Variants in CHRM3 observed in about 807,000 individuals in gnomAD.
The protein encoded by CHRM3 is muscarinic acetylcholine receptor M3.
In CHRM3, 11 loss-of-function variants were observed where a neutral mutation model predicts 41.8. The observed-to-expected ratio is 0.26, with a 90% CI of 0.17 to 0.44. CHRM3 has a LOEUF of 0.44. CHRM3 is among the 20% of genes least tolerant of loss of function. The probability of loss-of-function intolerance (pLI) is 1.00; values close to 1 mark genes in which losing one functional copy is unlikely to be tolerated. For synonymous variants in CHRM3, 297 were observed against 301.4 expected (o/e 0.99, Z 0.15); for missense variants, 571 against 745.4 (o/e 0.77, Z 2.72).
intron 3 of CHRM3, among the ~76,000 whole-genome samples, chr1:239,571,687 C>G (rs1294226555): frequency 6.6e-6 from 1 of 152,146 alleles, no homozygotes; most frequent in Non-Finnish European, 1.5e-5. Flanking sequence ...TCTCCGTCTC[C>G]TGCACGTCAT....
At position 239,911,200 on chromosome 1, in the gene CHRM3, C is replaced by G. The variant is rs1422559720; in HGVS notation, c.*1976C>G. The G allele has an allele frequency of 6.0e-6, 1 of 166,794 alleles. No homozygotes were observed. Among genetic ancestry groups the G allele is most frequent in the African/African-American group, 2.4e-5 (1 of 41,328 alleles). The allele number at this position is 166,794 out of a possible 1,614,324, so 10.3% of individuals were successfully genotyped here. ...GTTTAAAACCACTCTTTAGTTAAAT[C>G]TGATGGGAACTGAACAAAGCTCCAC... On this transcript the variant is annotated 3_prime_UTR_variant, in exon 7 of 7. Transcript: ENST00000676153.
intron 6 of CHRM3, among the ~76,000 whole-genome samples, chr1:239,868,836 C>T (rs1175660089): frequency 6.6e-6 from 1 of 152,224 alleles, no homozygotes; most frequent in East Asian, 1.9e-4. Flanking sequence ...GCACTGCTTT[C>T]ATTAACTGAC....
intron 2 of CHRM3, among the ~76,000 whole-genome samples, chr1:239,518,662 C>T (rs567523273): frequency 1.3e-5 from 2 of 152,254 alleles, no homozygotes; most frequent in African/African-American, 4.8e-5. Context: ...ATAATTAAGA[C>T]AATTTCAGGT....
intron 6 of CHRM3, among the ~76,000 whole-genome samples, chr1:239,838,693 C>A (rs1256965222): frequency 1.3e-5 from 2 of 152,176 alleles, no homozygotes; most frequent in Non-Finnish European, 2.9e-5. Flanking sequence ...TCCCTTCAGA[C>A]CTGGGGAATT....
At chr1:239,875,928 C>A (rs1248405903) in intron 6 of CHRM3, among the ~76,000 whole-genome samples, 4 of 152,208 alleles carry the variant, frequency 2.6e-5, no homozygotes, top group Admixed American at 2.0e-4. Context: ...CAGCTTCCCC[C>A]CTTAAAGGTA....
chr1:239,911,864 C>A lies in CHRM3; in HGVS notation c.*2640C>A, dbSNP rs556732244. ...AGAAAGAAAACAAGCAAAATAGGTT[C>A]TTTTGAATATGAATAATTTAAAAGC... On this transcript the variant is annotated 3_prime_UTR_variant, in exon 7 of 7. Coordinates refer to ENST00000676153, the MANE Select transcript of CHRM3 (RefSeq NM_001375978.1). The A allele has an allele frequency of 6.0e-6, 1 of 166,974 alleles. No individual in the cohort carries two copies. Among genetic ancestry groups the A allele is most frequent in the Non-Finnish European group, 1.5e-5 (1 of 68,114 alleles). 10.3% of individuals were successfully genotyped at this position (166,974 alleles called of 1,614,324 possible). A position where few individuals can be genotyped will look rare whatever the true frequency, so the allele number is the denominator to read the frequency against.
At chr1:239,404,188 C>A (rs954367994) in intron 1 of CHRM3, among the ~76,000 whole-genome samples, 2 of 150,350 alleles carry the variant, frequency 1.3e-5, no homozygotes, top group Non-Finnish European at 3.0e-5. Flanking sequence ...ACTCGGGAGG[C>A]TGAGGCAGGA....
intron 5 of CHRM3, among the ~76,000 whole-genome samples, chr1:239,754,428 G>A (rs1453223289): frequency 6.6e-6 from 1 of 152,142 alleles, no homozygotes; most frequent in Admixed American, 6.5e-5. Flanking sequence ...TTCACTGAAG[G>A]CAGTACCATC....
chr1:239,643,175 A>AC lies in CHRM3; in HGVS notation c.-250+10890dup, dbSNP rs529860536. 8.0e-4 allele frequency among the ~76,000 whole-genome samples: 122 copies of AC among 152,170 alleles called. 1 individual carries two copies. The highest frequency in any genetic ancestry group is 2.9e-3 in the African/African-American group (120 of 41,528). On this transcript the variant is annotated intron_variant, in intron 4 of 6. Coordinates refer to ENST00000676153, the MANE Select transcript of CHRM3 (RefSeq NM_001375978.1). ...CAGTGTGAGGTGTCAGTCTGCCCCT[A>AC]CTGGGGGGTGCCTCCCAGTTAGGCT...
rs536608262 is a variant in CHRM3 at position 239,387,991 on chromosome 1, G to T, written c.-521+764G>T. ...TGTTTTTAAACGGCGGGGGCGGGCG[G>T]ACAGTTGACTCCAGCAGCAGAATTC... On this transcript the variant is annotated intron_variant, in intron 1 of 6. Transcript: ENST00000676153. This position sits in a 1 kb window ranked among gnomAD's most constrained non-coding sequence, Gnocchi z 5.1. Among the ~76,000 whole-genome samples the T allele has an allele frequency of 6.6e-6, 1 of 152,236 alleles. No homozygotes were observed. The highest frequency in any genetic ancestry group is 1.9e-4 in the East Asian group (1 of 5,166).
At chr1:239,555,955 G>A (rs532460495) in intron 3 of CHRM3, among the ~76,000 whole-genome samples, 7 of 152,098 alleles carry the variant, frequency 4.6e-5, no homozygotes, top group Non-Finnish European at 1.0e-4. Flanking sequence ...GATGGTTTTC[G>A]AACTAGAAAG....
chr1:239,859,413 G>GTTTTT (rs1331316835), intron 6 of CHRM3, among the ~76,000 whole-genome samples: 2 of 113,256 alleles, frequency 1.8e-5, no homozygotes, highest in African/African-American at 3.7e-5. Context: ...TGTTGTTGTT[G>GTTTTT]TTGTTGTTTT....
At chr1:239,861,461 T>C (rs1237582851) in intron 6 of CHRM3, among the ~76,000 whole-genome samples, 1 of 151,954 alleles carries the variant, frequency 6.6e-6, no homozygotes, top group Non-Finnish European at 1.5e-5. Context: ...AAAAGAAACA[T>C]GACCAGCATT....
intron 5 of CHRM3, among the ~76,000 whole-genome samples, chr1:239,725,741 G>A (rs949483046): frequency 3.3e-5 from 5 of 151,848 alleles, no homozygotes; most frequent in East Asian, 3.9e-4. Flanking sequence ...TTGCCCTGAC[G>A]TCTGTCTGGA....
chr1:239,828,240 AC>A (rs1672617036), intron 6 of CHRM3, among the ~76,000 whole-genome samples: 1 of 152,182 alleles, frequency 6.6e-6, no homozygotes, highest in Admixed American at 6.5e-5. Flanking sequence ...ACATAGTTAC[AC>A]ACACATAGAT....
At chr1:239,886,763 T>TA (rs1432642855) in intron 6 of CHRM3, among the ~76,000 whole-genome samples, 2 of 152,206 alleles carry the variant, frequency 1.3e-5, no homozygotes, top group African/African-American at 4.8e-5. Flanking sequence ...TGCAGCTGGA[T>TA]ATGGTACCAT....
intron 1 of CHRM3, among the ~76,000 whole-genome samples, chr1:239,470,397 C>T (rs557063137): frequency 6.8e-4 from 104 of 152,278 alleles, no homozygotes; most frequent in African/African-American, 2.4e-3. Flanking sequence ...TTAAGCCACC[C>T]AGTTTGTGGT....
intron 5 of CHRM3, among the ~76,000 whole-genome samples, chr1:239,723,847 A>G (rs540795425): frequency 1.4e-4 from 22 of 151,942 alleles, no homozygotes; most frequent in African/African-American, 5.1e-4. Flanking sequence ...GCCTCATAGT[A>G]TAGGCCAGTA....
intron 2 of CHRM3, among the ~76,000 whole-genome samples, chr1:239,513,279 T>A (rs1669043927): frequency 6.6e-6 from 1 of 152,212 alleles, no homozygotes; most frequent in African/African-American, 2.4e-5. Context: ...TAAAATTTTG[T>A]CTTTGTTTTT....
Sources: allele counts gnomAD v4.1 joint callset (sites outside exome capture counted in the v4.1 genomes callset), GRCh38; gene constraint gnomAD v4.1.1; non-coding constraint Gnocchi (gnomAD v3.1); transcripts MANE v1.5; gene names NCBI Gene and HGNC (gene_info 2026-07-23, HGNC 2026-07-21).